The following CPEB2 variants were observed in gnomAD, a reference collection of about 807,000 sequenced individuals.
CPEB2 encodes the protein cytoplasmic polyadenylation element-binding protein 2.
In CPEB2, 56 loss-of-function variants were observed where a neutral mutation model predicts 93.6. That is an observed-to-expected ratio of 0.60 (90% CI 0.48 to 0.75). The LOEUF (loss-of-function observed/expected upper bound fraction) is 0.75, where lower values mean the gene tolerates loss of function less well. Ranked by LOEUF, CPEB2 falls within the 30% of genes least tolerant of loss-of-function variation. The pLI, the probability that CPEB2 is intolerant of heterozygous loss-of-function variation, is 0.00. For missense variants in CPEB2, 1,579 were observed against 1,395.1 expected (o/e 1.13, Z -2.10); for synonymous variants, 764 against 586.3 (o/e 1.30, Z -4.38).
At chr4:15,045,861 GTATC>G (rs1727624180) in intron 6 of CPEB2, among the ~76,000 whole-genome samples, 1 of 152,054 alleles carries the variant, frequency 6.6e-6, no homozygotes, top group Non-Finnish European at 1.5e-5. Flanking sequence ...ATATTTATAA[GTATC>G]AGTCTCAAGT....
At chr4:15,004,478 C>T in intron 1 of CPEB2, 143 bp downstream of exon 1, 1 of 580,320 alleles carries the variant, frequency 1.7e-6, no homozygotes, top group Non-Finnish European at 2.7e-6. Context: ...GAGAGTGGAA[C>T]TGAGGGCGGA....
At chr4:15,061,138 G>A (rs1394876675) in intron 10 of CPEB2, among the ~76,000 whole-genome samples, 1 of 152,088 alleles carries the variant, frequency 6.6e-6, no homozygotes, top group East Asian at 1.9e-4. Context: ...TTGTCCAGTA[G>A]ACAGTTGCAT....
chr4:15,007,616 C>A, intron 2 of CPEB2, 30 bp downstream of exon 2: 2 of 1,379,808 alleles, frequency 1.4e-6, no homozygotes, highest in Non-Finnish European at 1.9e-6. Context: ...GACCTTATCT[C>A]TAATGTTAAT....
chr4:15,018,934 TTTTATATATATA>T (rs1323880811), intron 4 of CPEB2, among the ~76,000 whole-genome samples: 3 of 61,530 alleles, frequency 4.9e-5, no homozygotes, highest in African/African-American at 1.9e-4. Context: ...CTAAGGGGAA[TTTTATATATATA>T]TATATATATA....
At chr4:15,022,036 A>C (rs1724865354) in intron 4 of CPEB2, among the ~76,000 whole-genome samples, 1 of 152,152 alleles carries the variant, frequency 6.6e-6, no homozygotes, top group African/African-American at 2.4e-5. Context: ...AACTTGTATA[A>C]ATTTCTAAAA....
intron 6 of CPEB2, among the ~76,000 whole-genome samples, chr4:15,044,185 C>G (rs941558945): frequency 3.9e-5 from 6 of 152,160 alleles, no homozygotes; most frequent in Non-Finnish European, 5.9e-5. Context: ...GCCCGCAGGC[C>G]AAGGCTTCTG....
In CPEB2 at chr4:15,033,196, C is replaced by G; in HGVS notation, c.2161C>G (p.Leu721Val). 6.3e-7 allele frequency: 1 copy of G among 1,595,886 alleles called. No individual in the cohort carries two copies. Among genetic ancestry groups the G allele is most frequent in the Non-Finnish European group, 8.6e-7 (1 of 1,164,932 alleles). ...LSYPHPGTDNLLMLNARSYGR... is the reference protein window; with the variant it reads ...LSYPHPGTDNVLMLNARSYGR... Reference sequence around the variant, plus strand: ...CTATCCACATCCAGGAACTGACAATCTGTTGATGTTAAATGGTAAGTTTTA... The same window carrying G: ...CTATCCACATCCAGGAACTGACAATGTGTTGATGTTAAATGGTAAGTTTTA... The change falls in exon 5 of 12, where the codon CTG (leucine) becomes GTG (valine). Residue 721 changes from leucine (L) to valine (V), a missense_variant. By Grantham distance (32) the Leu-to-Val change is conservative. Around this residue, in one of 2 missense-constraint regions of CPEB2, gnomAD observed 1,411 missense variants for 1,056.0 expected, o/e 1.34. Coordinates refer to ENST00000538197, the MANE Select transcript of CPEB2 (RefSeq NM_001177382.2).
At chr4:15,005,732 G>A (rs1722730323) in intron 1 of CPEB2, among the ~76,000 whole-genome samples, 1 of 152,184 alleles carries the variant, frequency 6.6e-6, no homozygotes, top group African/African-American at 2.4e-5. Flanking sequence ...TAACCAAAGT[G>A]ACAGTGAACA....
rs1234836655 is a variant in CPEB2 at position 15,068,785 on chromosome 4, A to G, written c.*2405A>G. The G allele has an allele frequency of 1.3e-5, 2 of 152,226 alleles. No individual in the cohort carries two copies. The highest frequency in any genetic ancestry group is 1.5e-5 in the Non-Finnish European group (1 of 67,792). 9.4% of individuals were successfully genotyped at this position (152,226 alleles called of 1,614,324 possible). ...TATTTGGAATGAAGGGGAATGTACT[A>G]GAACACCCTTTTTGCCACGGGTAAA... is the stretch of plus-strand genomic sequence containing the variant. On this transcript the variant is annotated 3_prime_UTR_variant, in exon 12 of 12. Coordinates refer to ENST00000538197, the MANE Select transcript of CPEB2 (RefSeq NM_001177382.2).
At chr4:15,026,515 C>T (rs776097076) in intron 4 of CPEB2, among the ~76,000 whole-genome samples, 14 of 152,162 alleles carry the variant, frequency 9.2e-5, no homozygotes, top group Non-Finnish European at 1.6e-4. Context: ...GCCTGAGCCA[C>T]CATGCCCGAA....
Position 15,019,507 on chromosome 4 carries a change from T to G in CPEB2, c.2125+2229T>G, listed in dbSNP as rs1284602053. Among the ~76,000 whole-genome samples, 3 of 152,068 alleles carry G rather than the reference T, an allele frequency of 2.0e-5. No individual in the cohort carries two copies. The East Asian group carries it at 5.8e-4, about 29-fold the overall frequency. ...GGTTTAACACCTGAATTTGCTTTCC[T>G]TCTTTCCATTACTGTTCTTGAGGGC... On this transcript the variant is annotated intron_variant, in intron 4 of 11. Coordinates refer to ENST00000538197, the MANE Select transcript of CPEB2 (RefSeq NM_001177382.2).
rs1461620872 is a variant in CPEB2 at position 15,055,813 on chromosome 4, C to G, written c.2461+1596C>G. Among the ~76,000 whole-genome samples, 8 of 152,170 alleles carry G rather than the reference C, an allele frequency of 5.3e-5. No homozygotes were observed. The East Asian group carries it at 1.5e-3, about 29-fold the overall frequency. ...AAACTGGCCTTGTTCTCTCCAGCCT[C>G]AGTGCTTTTATGTATGATACTCTCT... is the stretch of plus-strand genomic sequence containing the variant. On this transcript the variant is annotated intron_variant, in intron 8 of 11. Coordinates refer to ENST00000538197, the MANE Select transcript of CPEB2 (RefSeq NM_001177382.2).
At position 15,003,261 on chromosome 4, in the gene CPEB2, G is replaced by GCCGCCGCCT. The variant is rs1007172464; in HGVS notation, c.596_604dup (p.Pro199_Pro201dup). On this transcript the variant is annotated inframe_insertion, in exon 1 of 12. Coordinates refer to ENST00000538197, the MANE Select transcript of CPEB2 (RefSeq NM_001177382.2). ...CCCACCCTCCGGACTCGAAGCCGCC[G>GCCGCCGCCT]CCGCCGCCTCCGCCGCTCCACTGCC... 6.6e-7 allele frequency: 1 copy of GCCGCCGCCT among 1,523,616 alleles called. No homozygotes were observed. Among genetic ancestry groups the GCCGCCGCCT allele is most frequent in the Non-Finnish European group, 8.8e-7 (1 of 1,141,420 alleles). 94.4% of individuals were successfully genotyped at this position (1,523,616 alleles called of 1,614,324 possible).
chr4:15,006,565 A>C (rs901245050), intron 1 of CPEB2: 7 of 152,226 alleles, frequency 4.6e-5, no homozygotes, highest in African/African-American at 1.4e-4. Flanking sequence ...ACTTGTATCA[A>C]GATCTCTAGT....
Position 15,002,586 on chromosome 4 carries a change from A to G in CPEB2, c.-88A>G. ...TCTCTCACTGACTCCCCCTCCTTCC[A>G]CCACGGCCGCGCAACCCCAGCGCCG... On this transcript the variant is annotated 5_prime_UTR_variant, in exon 1 of 12. Transcript: ENST00000538197. The G allele has an allele frequency of 8.7e-7, 1 of 1,152,640 alleles. No homozygotes were observed. Among genetic ancestry groups the G allele is most frequent in the Non-Finnish European group, 1.2e-6 (1 of 848,564 alleles). 71.4% of individuals were successfully genotyped at this position (1,152,640 alleles called of 1,614,324 possible). A position where few individuals can be genotyped will look rare whatever the true frequency, so the allele number is the denominator to read the frequency against.
At chr4:15,040,997 C>G (rs537367986) in intron 6 of CPEB2, among the ~76,000 whole-genome samples, 18 of 151,954 alleles carry the variant, frequency 1.2e-4, no homozygotes, top group South Asian at 8.3e-4. Context: ...AGAATATAAC[C>G]CCTTCTTTCC....
chr4:15,059,368 C>T (rs768935099), intron 10 of CPEB2, 67 bp downstream of exon 10: 22 of 1,033,990 alleles, frequency 2.1e-5, no homozygotes, highest in East Asian at 4.8e-5. Flanking sequence ...ATTTAATAAA[C>T]GTTTGGAAGC....
chr4:15,021,911 T>G (rs1454620330), intron 4 of CPEB2, among the ~76,000 whole-genome samples: 9 of 152,152 alleles, frequency 5.9e-5, no homozygotes, highest in African/African-American at 2.2e-4. Context: ...AAGGAGTTAT[T>G]CCTGTAAGGT....
chr4:15,039,719 T>C (rs1463666939), intron 5 of CPEB2, among the ~76,000 whole-genome samples: 1 of 152,114 alleles, frequency 6.6e-6, no homozygotes, highest in Non-Finnish European at 1.5e-5. Flanking sequence ...GAAATGCCTA[T>C]ATACTTTTAT....
Sources: allele counts gnomAD v4.1 joint callset (sites outside exome capture counted in the v4.1 genomes callset), GRCh38; gene constraint gnomAD v4.1.1; regional missense constraint gnomAD v4.1.1; transcripts MANE v1.5; gene names NCBI Gene and HGNC (gene_info 2026-07-23, HGNC 2026-07-21).